Variants in DNAJB13 observed in about 807,000 individuals in gnomAD.
DNAJB13 encodes DnaJ heat shock protein family (Hsp40) member B13.
In DNAJB13, 22 loss-of-function variants were observed where a neutral mutation model predicts 35.6. That is an observed-to-expected ratio of 0.62 (90% confidence interval 0.44 to 0.88). The LOEUF is 0.88. Among genes scored for constraint, DNAJB13 ranks in the 40% least tolerant of loss-of-function variants. The pLI, the probability that DNAJB13 is intolerant of heterozygous loss-of-function variation, is 0.00. For missense variants in DNAJB13, 370 were observed against 384.3 expected (o/e 0.96, Z 0.31); for synonymous variants, 136 against 144.2 (o/e 0.94, Z 0.41).
rs1319930694 is a variant in DNAJB13 at position 73,962,470 on chromosome 11, TGGATGGCTGGGTAGGCGGAA to T, written c.335-2398_335-2379del. On this transcript the variant is annotated intron_variant, in intron 3 of 7. Coordinates refer to ENST00000339764, the MANE Select transcript of DNAJB13 (RefSeq NM_153614.4). ...ATGAATGGATGGCTGGGTAGGCGGA[TGGATGGCTGGGTAGGCGGAA>T]GGATGGCTGAGTAGGTGGATGGGTG... Among the ~76,000 whole-genome samples, 195 of 135,178 alleles carry T rather than the reference TGGATGGCTGGGTAGGCGGAA, an allele frequency of 1.4e-3. No homozygotes were observed. In the Middle Eastern group the frequency reaches 0.028, roughly 20 times the overall value. 88.7% of individuals were successfully genotyped at this position (135,178 alleles called of 152,430 possible).
chr11:73,968,234 C>A, intron 5 of DNAJB13, 111 bp from the exon 6 acceptor site: 4 of 933,804 alleles, frequency 4.3e-6, no homozygotes, highest in East Asian at 2.5e-5. Flanking sequence ...AGAAAACCTG[C>A]TCTCATCTCC....
intron 5 of DNAJB13, chr11:73,968,052 G>C (rs1951169117): frequency 2.0e-6 from 1 of 502,468 alleles, no homozygotes; most frequent in Admixed American, 3.5e-5. Context: ...CTGACGCCCA[G>C]CTTAGTGTTC....
chr11:73,952,951 T>C (rs1210278454), intron 1 of DNAJB13, among the ~76,000 whole-genome samples: 1 of 152,192 alleles, frequency 6.6e-6, no homozygotes, highest in Admixed American at 6.5e-5. Flanking sequence ...AGGCCTGGCA[T>C]GGTGTTTCAT....
At chr11:73,964,838 T>G (rs1482601274) in intron 3 of DNAJB13, 40 bp from the exon 4 acceptor site, 1 of 1,602,660 alleles carries the variant, frequency 6.2e-7, no homozygotes, top group Non-Finnish European at 8.5e-7. Flanking sequence ...TCTGGGTCTC[T>G]GGATACAATT....
intron 3 of DNAJB13, among the ~76,000 whole-genome samples, chr11:73,960,466 G>C (rs1950901150): frequency 6.6e-6 from 1 of 152,194 alleles, no homozygotes; most frequent in Non-Finnish European, 1.5e-5. Context: ...ACAGGTGTGA[G>C]TCACCACGCC....
At chr11:73,951,226 A>G in intron 1 of DNAJB13, 89 bp downstream of exon 1, 1 of 1,484,570 alleles carries the variant, frequency 6.7e-7, no homozygotes, top group Non-Finnish European at 9.3e-7. Context: ...TGCACAGCTT[A>G]GCGCAGACAA....
intron 3 of DNAJB13, 104 bp downstream of exon 3, chr11:73,959,759 T>C: frequency 6.9e-6 from 8 of 1,155,946 alleles, no homozygotes; most frequent in Non-Finnish European, 9.1e-6. Flanking sequence ...TATTATTTTA[T>C]TTTATTTACT....
chr11:73,961,556 G>A (rs1248860558), intron 3 of DNAJB13, among the ~76,000 whole-genome samples: 1 of 152,214 alleles, frequency 6.6e-6, no homozygotes, highest in Non-Finnish European at 1.5e-5. Context: ...GAAAAACCTA[G>A]TGTCTCCACA....
At chr11:73,959,457 A>G (rs751008022) in intron 2 of DNAJB13, 37 bp from the exon 3 acceptor site, 7 of 1,588,082 alleles carry the variant, frequency 4.4e-6, no homozygotes, top group Non-Finnish European at 6.0e-6. Flanking sequence ...TCAGCCCCCA[A>G]AGTTGGACAC....
intron 1 of DNAJB13, among the ~76,000 whole-genome samples, chr11:73,954,637 A>C (rs563634528): frequency 1.6e-5 from 2 of 126,036 alleles, no homozygotes; most frequent in East Asian, 4.8e-4. Context: ...CTCAAAAAAA[A>C]AAAATAAAAT....
chr11:73,968,575 G>A, intron 6 of DNAJB13, 117 bp downstream of exon 6: 1 of 781,594 alleles, frequency 1.3e-6, no homozygotes, highest in Non-Finnish European at 2.1e-6. Flanking sequence ...AAGCCCTGTG[G>A]ATTCCACCCT....
chr11:73,955,985 G>A (rs940174563), intron 1 of DNAJB13, among the ~76,000 whole-genome samples: 4 of 151,992 alleles, frequency 2.6e-5, no homozygotes, highest in East Asian at 1.9e-4. Flanking sequence ...CTTCCTGTCC[G>A]CAGTAAGAGG....
intron 2 of DNAJB13, 123 bp from the exon 3 acceptor site, chr11:73,959,371 A>C: frequency 8.3e-6 from 9 of 1,086,404 alleles, no homozygotes; most frequent in Non-Finnish European, 1.2e-5. Context: ...GCCAGACAGC[A>C]GGCACTTTGG....
rs1401707375 is a variant in DNAJB13, at chr11:73,958,386, G to A, written c.138G>A (p.Arg46=). 2 of 1,614,006 alleles carry A rather than the reference G, an allele frequency of 1.2e-6. No homozygotes were observed. Among genetic ancestry groups the A allele is most frequent in the East Asian group, 4.5e-5 (2 of 44,892 alleles). ...AGCCGTCTTCAGCAGAGATTTTCAG[G>A]CAAATAGCAGAGGCCTACGACGTGC... ...SNEPSSAEIF[R]QIAEAYDVLS... is the part of the protein sequence containing the mutation. The change falls in exon 2 of 8, where the codon AGG becomes AGA. Residue 46 remains arginine, a synonymous_variant. Transcript: ENST00000339764.
chr11:73,968,334 C>T lies in DNAJB13; in HGVS notation c.607-11C>T, dbSNP rs923556171. On this transcript the variant is annotated splice_polypyrimidine_tract_variant and intron_variant, in intron 5 of 7. Coordinates refer to ENST00000339764, the MANE Select transcript of DNAJB13 (RefSeq NM_153614.4). The stretch of plus-strand genomic sequence containing the variant: ...ACTAGTCCTTGTCACCTTTTGGCGT[C>T]CCCTGCCCAGGGCCCCAACATCATC... 3.1e-6 allele frequency: 5 copies of T among 1,613,610 alleles called. No individual in the cohort carries two copies. The highest frequency in any genetic ancestry group is 4.2e-6 in the Non-Finnish European group (5 of 1,179,620).
At chr11:73,951,320 C>T (rs373673487) in intron 1 of DNAJB13, among the ~76,000 whole-genome samples, 183 bp downstream of exon 1, 1 of 152,196 alleles carries the variant, frequency 6.6e-6, no homozygotes, top group African/African-American at 2.4e-5. Context: ...GAAATTTGAA[C>T]TCTTTAGTTC....
At chr11:73,968,569 C>T (rs1006302569) in intron 6 of DNAJB13, 111 bp downstream of exon 6, 9 of 811,668 alleles carry the variant, frequency 1.1e-5, no homozygotes, top group African/African-American at 5.1e-5. Flanking sequence ...GTCACTAAGC[C>T]CTGTGGATTC....
chr11:73,967,024 T>C (rs112434914), intron 5 of DNAJB13, among the ~76,000 whole-genome samples: 4,832 of 152,196 alleles, frequency 0.032, 271 homozygotes, highest in African/African-American at 0.11. Context: ...GACTAATTTT[T>C]GTATTTTTAG....
chr11:73,956,610 C>G (rs1038704916), intron 1 of DNAJB13, among the ~76,000 whole-genome samples: 1 of 151,984 alleles, frequency 6.6e-6, no homozygotes, highest in African/African-American at 2.4e-5. Context: ...CAAGACCAGC[C>G]TGGCCAACAT....
Sources: allele counts gnomAD v4.1 joint callset (sites outside exome capture counted in the v4.1 genomes callset), GRCh38; gene constraint gnomAD v4.1.1; transcripts MANE v1.5; gene names NCBI Gene and HGNC (gene_info 2026-07-23, HGNC 2026-07-21).